The following DOCK6 variants were observed in gnomAD, a reference collection of about 807,000 sequenced individuals.
The protein encoded by DOCK6 is dedicator of cytokinesis protein 6.
Under a neutral mutation model 230.3 loss-of-function variants are expected in DOCK6, and 167 were observed. That is an observed-to-expected ratio of 0.73 (90% CI 0.64 to 0.82). DOCK6 has a LOEUF of 0.82. Ranked by LOEUF, DOCK6 falls within the 40% of genes least tolerant of loss-of-function variation. The pLI, the probability that DOCK6 is intolerant of heterozygous loss-of-function variation, is 0.00. For synonymous variants in DOCK6, 1,148 were observed against 1,185.0 expected, an observed-to-expected ratio of 0.97 and a Z score of 0.64; for missense variants, 2,598 against 2,825.8, an observed-to-expected ratio of 0.92 and a Z score of 1.83.
chr19:11,245,605 G>A lies in DOCK6; in HGVS notation c.981C>T (p.Phe327=). The change falls in exon 9 of 48, where the codon TTC becomes TTT. Residue 327 remains phenylalanine, a synonymous_variant. Coordinates refer to ENST00000294618, the MANE Select transcript of DOCK6 (RefSeq NM_020812.4). The part of the protein sequence containing the change: ...AISTLARSAI[F]SVTYPSPDIF... ...TGTCAGGTGAGGGGTAGGTCACAGA[G>A]AAGATGGCAGAGCGGGCCAGGGTGG... The A allele has an allele frequency of 1.3e-6, 2 of 1,578,526 alleles. No individual in the cohort carries two copies. Among genetic ancestry groups the A allele is most frequent in the Non-Finnish European group, 1.7e-6 (2 of 1,162,206 alleles).
intron 5 of DOCK6, 102 bp downstream of exon 5, chr19:11,252,017 G>A: frequency 6.6e-7 from 1 of 1,523,214 alleles, no homozygotes; most frequent in Non-Finnish European, 8.9e-7. Context: ...TTCCTTTTGA[G>A]CTCAAGGCTG....
Position 11,204,250 on chromosome 19 carries a change from C to G in DOCK6, c.5170G>C (p.Ala1724Pro), listed in dbSNP as rs2079220776. The G allele has an allele frequency of 6.3e-7, 1 of 1,595,662 alleles. No homozygotes were observed. Among genetic ancestry groups the G allele is most frequent in the Non-Finnish European group, 8.5e-7 (1 of 1,169,938 alleles). ...LEAHRDYKKL[A>P]AVHGKLQEAF... is the part of the protein sequence containing the mutation. ...TCCTGCAGTTTGCCGTGCACCGCGG[C>G]CAGCTTCTTGTAGTCACGGTGGGCT... The change falls in exon 40 of 48, where the codon GCC (alanine) becomes CCC (proline). Residue 1724 changes from alanine (A) to proline (P), a missense_variant. Physicochemically the swap from Ala to Pro is conservative, Grantham distance 27. Coordinates refer to ENST00000294618, the MANE Select transcript of DOCK6 (RefSeq NM_020812.4).
In DOCK6 at chr19:11,236,475, G is replaced by C. The variant is rs1251911121; in HGVS notation, c.2263C>G (p.Gln755Glu). 2.5e-6 allele frequency: 4 copies of C among 1,597,700 alleles called. No individual in the cohort carries two copies. Among genetic ancestry groups the C allele is most frequent in the South Asian group, 1.1e-5 (1 of 87,912 alleles). The stretch of plus-strand genomic sequence containing the variant: ...GCTGCAAGACTGGCCCGCAGCTCCT[G>C]CTCCACGTTGCCCTCGCTCAGCACA... ...DTVLSEGNVE[Q>E]ELRASLAALR... Residue 755 changes from glutamine to glutamate, a missense_variant, in exon 20 of 48, where the codon CAG becomes GAG. Coordinates refer to ENST00000294618, the MANE Select transcript of DOCK6 (RefSeq NM_020812.4). The surrounding 1 kb of genome is among the most constrained non-coding windows in gnomAD (Gnocchi z 5.2).
chr19:11,225,798 A>G (rs1413202129), intron 24 of DOCK6, among the ~76,000 whole-genome samples: 1 of 151,552 alleles, frequency 6.6e-6, no homozygotes, highest in Non-Finnish European at 1.5e-5. Context: ...TGGGAAGCCA[A>G]AGTGGGAGAA....
Position 11,243,961 on chromosome 19 carries a change from A to T in DOCK6, c.1024-79T>A. On this transcript the variant is annotated intron_variant, in intron 9 of 47. Transcript: ENST00000294618. The surrounding 1 kb of genome is among the most constrained non-coding windows in gnomAD (Gnocchi z 6.3). Reference sequence around the variant, plus strand: ...CCGTGCTGGCTCCCCAGCCTCCTGGACCCCTCATGGGCCCTCGGACACTCC... The same window carrying T: ...CCGTGCTGGCTCCCCAGCCTCCTGGTCCCCTCATGGGCCCTCGGACACTCC... 6.8e-7 allele frequency: 1 copy of T among 1,476,916 alleles called. No individual in the cohort carries two copies. The highest frequency in any genetic ancestry group is 9.3e-7 in the Non-Finnish European group (1 of 1,079,098). The allele number at this position is 1,476,916 out of a possible 1,614,324, so 91.5% of individuals were successfully genotyped here.
chr19:11,215,245 T>C (rs1465093262), intron 32 of DOCK6, 142 bp downstream of exon 32: 4 of 681,642 alleles, frequency 5.9e-6, no homozygotes, highest in Admixed American at 2.5e-5. Flanking sequence ...GCCCGGCCCA[T>C]GCCCGGCTAA....
At position 11,199,388 on chromosome 19, in the gene DOCK6, G is replaced by A. The variant is rs137951907; in HGVS notation, c.*109C>T. The A allele has an allele frequency of 1.0e-4, 133 of 1,318,374 alleles. No individual in the cohort carries two copies. Among genetic ancestry groups the A allele is most frequent in the Non-Finnish European group, 1.2e-4 (115 of 935,536 alleles). The allele number at this position is 1,318,374 out of a possible 1,614,324, so 81.7% of individuals were successfully genotyped here. On this transcript the variant is annotated 3_prime_UTR_variant, in exon 48 of 48. Transcript: ENST00000294618. ...GGCAGAGGGCCCAGCCCCAAGTACA[G>A]TGTGGTCACCCCACAGCCCAGTGGG...
At position 11,245,559 on chromosome 19, in the gene DOCK6, G is replaced by T; in HGVS notation, c.1023+4C>A. On this transcript the variant is annotated splice_donor_region_variant and intron_variant, in intron 9 of 47. Coordinates refer to ENST00000294618, the MANE Select transcript of DOCK6 (RefSeq NM_020812.4). ...CCACCCCCTTGCCCAGCCCCAGCAG[G>T]CACCTTGATGACCAGGAAGATGTCA... 6.4e-7 allele frequency: 1 copy of T among 1,554,142 alleles called. No homozygotes were observed. Among genetic ancestry groups the T allele is most frequent in the Non-Finnish European group, 8.7e-7 (1 of 1,148,464 alleles).
intron 9 of DOCK6, among the ~76,000 whole-genome samples, chr19:11,245,234 G>T (rs951291464): frequency 8.5e-5 from 13 of 152,140 alleles, no homozygotes; most frequent in Admixed American, 8.5e-4. Context: ...CTCAAATGAG[G>T]GTGCCAACTA....
intron 28 of DOCK6, among the ~76,000 whole-genome samples, chr19:11,218,297 C>T (rs2079526738): frequency 6.6e-6 from 1 of 152,096 alleles, no homozygotes; most frequent in African/African-American, 2.4e-5. Flanking sequence ...CAGGTGCGCG[C>T]CACCGTGCAT....
intron 34 of DOCK6, 24 bp downstream of exon 34, chr19:11,214,251 T>C: frequency 6.3e-7 from 1 of 1,583,916 alleles, no homozygotes; most frequent in East Asian, 2.3e-5. Flanking sequence ...TTTCTAAGAA[T>C]CATGGTTGTT....
In DOCK6 at chr19:11,200,765, A is replaced by G; in HGVS notation, c.5890T>C (p.Phe1964Leu). The G allele has an allele frequency of 6.2e-7, 1 of 1,613,670 alleles. No homozygotes were observed. Reference sequence around the variant, plus strand: ...AGCCGCAATTTGTTGTGATGCCGGAAGAGCTTGGGGTCTTCCGGGATCTCT... The same window carrying G: ...AGCCGCAATTTGTTGTGATGCCGGAGGAGCTTGGGGTCTTCCGGGATCTCT... Reference protein sequence around the residue: ...LAEIPEDPKLFRHHNKLRLCF... With the variant: ...LAEIPEDPKLLRHHNKLRLCF... Residue 1964 changes from phenylalanine to leucine, a missense_variant, in exon 46 of 48, where the codon TTC becomes CTC. Phe to Leu is a conservative substitution (Grantham distance 22, BLOSUM62 0). Coordinates refer to ENST00000294618, the MANE Select transcript of DOCK6 (RefSeq NM_020812.4). The surrounding 1 kb of genome is among the most constrained non-coding windows in gnomAD (Gnocchi z 4.3).
intron 4 of DOCK6, 113 bp from the exon 5 acceptor site, chr19:11,252,361 C>T (rs2080131052): frequency 1.3e-6 from 2 of 1,579,242 alleles, no homozygotes; most frequent in Admixed American, 1.7e-5. Flanking sequence ...TTGTGCTCCA[C>T]CAGACAAGTT....
intron 13 of DOCK6, among the ~76,000 whole-genome samples, 197 bp from the exon 14 acceptor site, chr19:11,242,404 C>CT (rs902727271): frequency 3.3e-5 from 5 of 151,614 alleles, no homozygotes; most frequent in Non-Finnish European, 7.4e-5. Flanking sequence ...TTTTGTTTTT[C>CT]TTTTTTTTAA....
chr19:11,257,737 C>T (rs145150099), intron 1 of DOCK6, among the ~76,000 whole-genome samples: 7 of 151,542 alleles, frequency 4.6e-5, no homozygotes, highest in African/African-American at 1.2e-4. Context: ...TGCAGTGAGC[C>T]GAGATTGCGC....
At chr19:11,209,486 G>A (rs373656188) in intron 37 of DOCK6, among the ~76,000 whole-genome samples, 204 of 48,056 alleles carry the variant, frequency 4.2e-3, no homozygotes, top group East Asian at 7.1e-3. Flanking sequence ...TCACCTGTCC[G>A]TCCCTTCACT....
chr19:11,222,665 A>T lies in DOCK6; in HGVS notation c.3240+70T>A, dbSNP rs1377525511. 2 of 1,449,826 alleles carry T rather than the reference A, an allele frequency of 1.4e-6. No homozygotes were observed. Among genetic ancestry groups the T allele is most frequent in the East Asian group, 5.0e-5 (2 of 40,128 alleles). 89.8% of individuals were successfully genotyped at this position (1,449,826 alleles called of 1,614,324 possible). A position where few individuals can be genotyped will look rare whatever the true frequency, so the allele number is the denominator to read the frequency against. On this transcript the variant is annotated intron_variant, in intron 26 of 47. Coordinates refer to ENST00000294618, the MANE Select transcript of DOCK6 (RefSeq NM_020812.4). The surrounding 1 kb of genome is among the most constrained non-coding windows in gnomAD (Gnocchi z 4.0). ...CCGTGAAAGGGACAGAGATGAGGGAACCATAGGAGATGGACTGAAGGTGAG... is the reference window on the plus strand; with the variant it reads ...CCGTGAAAGGGACAGAGATGAGGGATCCATAGGAGATGGACTGAAGGTGAG...
At position 11,222,256 on chromosome 19, in the gene DOCK6, G is replaced by A. The variant is rs1223393674; in HGVS notation, c.3241-8C>T. On this transcript the variant is annotated splice_region_variant and splice_polypyrimidine_tract_variant and intron_variant, in intron 26 of 47. Coordinates refer to ENST00000294618, the MANE Select transcript of DOCK6 (RefSeq NM_020812.4). This position sits in a 1 kb window ranked among gnomAD's most constrained non-coding sequence, Gnocchi z 4.0. ...GCTGGAGAAGGTGGAGCTCTGCAGA[G>A]TGGGGGAAAAATGGGGGATGCCAGC... The A allele has an allele frequency of 8.2e-6, 13 of 1,592,968 alleles. No individual in the cohort carries two copies. Among genetic ancestry groups the A allele is most frequent in the South Asian group, 2.3e-5 (2 of 87,792 alleles).
intron 1 of DOCK6, among the ~76,000 whole-genome samples, chr19:11,258,146 AG>A (rs2147893739): frequency 6.6e-6 from 1 of 152,336 alleles, no homozygotes; most frequent in East Asian, 1.9e-4. Flanking sequence ...TGCATGAGGC[AG>A]GGGAATACTA....
Sources: gnomAD v4.1 joint callset for allele counts (sites outside exome capture counted in the v4.1 genomes callset) on GRCh38, gnomAD v4.1.1 for gene constraint, Gnocchi (gnomAD v3.1) non-coding constraint, MANE v1.5 for transcripts, NCBI Gene and HGNC (gene_info 2026-07-23, HGNC 2026-07-21) for gene names.